Variants in GLRA2 observed in about 807,000 individuals in gnomAD.
GLRA2 encodes the protein glycine receptor subunit alpha-2.
GLRA2 carries 11 observed loss-of-function variants against 31.6 expected under a neutral mutation model. The observed-to-expected ratio is 0.35, with a 90% CI of 0.22 to 0.58. The LOEUF is 0.58. GLRA2 is among the 20% of genes least tolerant of loss of function. The pLI is 0.84. For missense variants in GLRA2, 212 were observed against 351.8 expected (o/e 0.60, Z 3.18); for synonymous variants, 132 against 134.0 (o/e 0.99, Z 0.10).
chrX:14,619,537 G>A (rs906735858), intron 7 of GLRA2, among the ~76,000 whole-genome samples: 63 of 108,453 alleles, frequency 5.8e-4, no homozygotes, highest in African/African-American at 2.0e-3. Context: ...TTCTGTGACT[G>A]GAATGTTCTG....
the GLRA2 span, among the ~76,000 whole-genome samples, chrX:14,499,831 C>T: frequency 9.0e-6 from 1 of 110,883 alleles, no homozygotes; most frequent in Non-Finnish European, 1.9e-5. Context: ...AACAAAACTA[C>T]ACCAATACCC....
At chrX:14,566,459 C>T (rs969087511) in intron 2 of GLRA2, among the ~76,000 whole-genome samples, 1 of 112,020 alleles carries the variant, frequency 8.9e-6, no homozygotes. Context: ...CAGCATTACT[C>T]TAATACCAAA....
chrX:14,712,991 C>A (rs2091733566), intron 8 of GLRA2, among the ~76,000 whole-genome samples: 1 of 112,056 alleles, frequency 8.9e-6, no homozygotes, highest in Non-Finnish European at 1.9e-5. Flanking sequence ...AAATATAGTT[C>A]TTCCCAGCCT....
the GLRA2 span, among the ~76,000 whole-genome samples, chrX:14,464,387 TC>T: frequency 1.8e-5 from 2 of 111,011 alleles, no homozygotes; most frequent in African/African-American, 6.6e-5. Flanking sequence ...CTAGTTTTAT[TC>T]TTCTGCATAT....
intron 7 of GLRA2, among the ~76,000 whole-genome samples, chrX:14,681,629 G>A (rs1227532728): frequency 9.1e-6 from 1 of 109,400 alleles, no homozygotes; most frequent in Non-Finnish European, 1.9e-5. Flanking sequence ...AGTGGCTCAC[G>A]CCTGTAATTC....
chrX:14,586,412 T>G (rs1230956223), intron 4 of GLRA2, among the ~76,000 whole-genome samples: 1 of 112,425 alleles, frequency 8.9e-6, no homozygotes, highest in African/African-American at 3.2e-5. Context: ...TGTTTTTTCC[T>G]AAGTTGTTTG....
chrX:14,683,339 T>A (rs1252210512), intron 7 of GLRA2, among the ~76,000 whole-genome samples: 1 of 112,329 alleles, frequency 8.9e-6, no homozygotes, highest in African/African-American at 3.2e-5. Context: ...GTTGGCTGCA[T>A]AAATGTCTTC....
At chrX:14,450,217 C>G in the GLRA2 span, among the ~76,000 whole-genome samples, 1 of 112,290 alleles carries the variant, frequency 8.9e-6, no homozygotes. Context: ...TGGGGATCCT[C>G]CACCCTTGGC....
the GLRA2 span, among the ~76,000 whole-genome samples, chrX:14,499,305 A>T: frequency 9.0e-6 from 1 of 111,367 alleles, no homozygotes; most frequent in Non-Finnish European, 1.9e-5. Context: ...AGCCATTTTA[A>T]CTGCAGTGAG....
the GLRA2 span, among the ~76,000 whole-genome samples, chrX:14,475,817 G>A: frequency 9.0e-6 from 1 of 111,334 alleles, no homozygotes; most frequent in African/African-American, 3.3e-5. Flanking sequence ...AAGTGGTTCA[G>A]GTATATTTCA....
rs767559160 is a variant in GLRA2, at chrX:14,586,796, C to T, written c.494+5390C>T. ...GGAGAAGGTGAGCATTTTTGAAGAA[C>T]AGCTCATCTCACATGCCCACAGTAT... On this transcript the variant is annotated intron_variant, in intron 4 of 8. Transcript: ENST00000218075. 5.3e-5 allele frequency among the ~76,000 whole-genome samples: 6 copies of T among 112,355 alleles called. No homozygotes were observed. The East Asian group carries it at 1.7e-3, about 31-fold the overall frequency.
intron 7 of GLRA2, among the ~76,000 whole-genome samples, chrX:14,676,693 C>T (rs187614843): frequency 8.9e-6 from 1 of 111,878 alleles, no homozygotes; most frequent in Admixed American, 9.5e-5. Flanking sequence ...TAGAAAATGT[C>T]CCAACCAATA....
At chrX:14,539,601 A>C (rs761831581) in intron 2 of GLRA2, among the ~76,000 whole-genome samples, 24 of 111,578 alleles carry the variant, frequency 2.2e-4, no homozygotes, top group African/African-American at 4.2e-4. Flanking sequence ...TACAAGAGAG[A>C]AGCTGGACCC....
At chrX:14,647,861 A>C (rs779594532) in intron 7 of GLRA2, among the ~76,000 whole-genome samples, 1 of 112,280 alleles carries the variant, frequency 8.9e-6, no homozygotes, top group Non-Finnish European at 1.9e-5. Flanking sequence ...ATAGATGAAG[A>C]AAAATGAATT....
intron 7 of GLRA2, among the ~76,000 whole-genome samples, chrX:14,675,928 T>C (rs1445269744): frequency 8.9e-6 from 1 of 112,321 alleles, no homozygotes; most frequent in East Asian, 2.8e-4. Context: ...AAAGTTTAGA[T>C]ATGCATTTAA....
At chrX:14,653,883 G>C (rs1033609780) in intron 7 of GLRA2, among the ~76,000 whole-genome samples, 1 of 112,241 alleles carries the variant, frequency 8.9e-6, no homozygotes, top group African/African-American at 3.2e-5. Flanking sequence ...CCAGCGAATT[G>C]GGAGGCTAAG....
chrX:14,522,478 A>G, the GLRA2 span, among the ~76,000 whole-genome samples: 12 of 112,180 alleles, frequency 1.1e-4, no homozygotes, highest in African/African-American at 3.9e-4. Context: ...TCCTCTCATG[A>G]ATCACAAATG....
At chrX:14,659,861 T>C (rs895624798) in intron 7 of GLRA2, among the ~76,000 whole-genome samples, 3 of 112,190 alleles carry the variant, frequency 2.7e-5, no homozygotes, top group Non-Finnish European at 5.6e-5. Flanking sequence ...AATTTGGTAA[T>C]TTGATAAATT....
intron 8 of GLRA2, among the ~76,000 whole-genome samples, chrX:14,715,613 G>A (rs1373191189): frequency 9.0e-6 from 1 of 111,670 alleles, no homozygotes; most frequent in Non-Finnish European, 1.9e-5. Context: ...AGGATCAGGG[G>A]TCAAGAAAAG....
Sources: gnomAD v4.1 joint callset for allele counts (sites outside exome capture counted in the v4.1 genomes callset) on GRCh38, gnomAD v4.1.1 for gene constraint, MANE v1.5 for transcripts, NCBI Gene and HGNC (gene_info 2026-07-23, HGNC 2026-07-21) for gene names.